CWF19L2: variants seen among roughly 807,000 people sequenced by gnomAD.
The protein encoded by CWF19L2 is CWF19-like protein 2.
CWF19L2 carries 98 observed loss-of-function variants against 111.7 expected under a neutral mutation model. That is an observed-to-expected ratio of 0.88 (90% CI 0.75 to 1.04). The LOEUF is 1.04. Among genes scored for constraint, CWF19L2 ranks in the 50% least tolerant of loss-of-function variants. The pLI, the probability that CWF19L2 is intolerant of heterozygous loss-of-function variation, is 0.00. For synonymous variants in CWF19L2, 351 were observed against 342.9 expected (o/e 1.02, Z -0.26); for missense variants, 1,101 against 1,051.4 (o/e 1.05, Z -0.65).
chr11:107,357,786 C>T (rs1860260386), intron 12 of CWF19L2, among the ~76,000 whole-genome samples: 1 of 152,142 alleles, frequency 6.6e-6, no homozygotes, highest in African/African-American at 2.4e-5. Context: ...TCTTCTATGA[C>T]CTCCAGCCTA....
intron 7 of CWF19L2, among the ~76,000 whole-genome samples, chr11:107,433,398 A>T (rs1338914509): frequency 2.0e-5 from 3 of 151,860 alleles, no homozygotes; most frequent in African/African-American, 7.3e-5. Flanking sequence ...CAATAAGAAA[A>T]TTTTTTTTAC....
At chr11:107,334,742 A>G (rs1462778417) in intron 16 of CWF19L2, 139 bp downstream of exon 16, 26 of 674,736 alleles carry the variant, frequency 3.9e-5, no homozygotes, top group Admixed American at 1.1e-4. Flanking sequence ...AGGTAGGATA[A>G]AAATAACTTC....
At position 107,442,882 on chromosome 11, in the gene CWF19L2, G is replaced by GAGGGAGGAAGGA. The variant is rs1555029242; in HGVS notation, c.450+56_450+57insTCCTTCCTCCCT. ...ATAGAGAGGGAAGGAGGGAGGGAGG[G>GAGGGAGGAAGGA]AGGAAGGAAGGAAGGAAGGAAGAAA... On this transcript the variant is annotated intron_variant, in intron 4 of 17. Transcript: ENST00000282251. The GAGGGAGGAAGGA allele has an allele frequency of 1.4e-4, 100 of 707,308 alleles. 2 individuals carry two copies. The highest frequency in any genetic ancestry group is 8.3e-4 in the African/African-American group (36 of 43,266). 43.8% of individuals were successfully genotyped at this position (707,308 alleles called of 1,614,324 possible). A position where few individuals can be genotyped will look rare whatever the true frequency, so the allele number is the denominator to read the frequency against.
intron 10 of CWF19L2, among the ~76,000 whole-genome samples, chr11:107,398,194 C>T (rs1860950703): frequency 6.6e-6 from 1 of 151,640 alleles, no homozygotes; most frequent in South Asian, 2.1e-4. Context: ...TGATTTCTAA[C>T]CTGAAAAAGA....
At chr11:107,455,611 A>G (rs1861842190) in intron 2 of CWF19L2, 55 bp downstream of exon 2, 10 of 989,282 alleles carry the variant, frequency 1.0e-5, no homozygotes, top group Middle Eastern at 4.2e-4. Context: ...ATTAACTTGA[A>G]TACGTGCAAA....
chr11:107,369,852 A>T (rs1860483303), intron 12 of CWF19L2, among the ~76,000 whole-genome samples: 1 of 138,558 alleles, frequency 7.2e-6, no homozygotes, highest in Non-Finnish European at 1.6e-5. Flanking sequence ...ATGTATTTAC[A>T]CTACATGAAA....
chr11:107,417,793 G>A (rs998586907), intron 9 of CWF19L2, among the ~76,000 whole-genome samples: 3 of 149,278 alleles, frequency 2.0e-5, no homozygotes, highest in East Asian at 2.0e-4. Flanking sequence ...GTCTCGCTTC[G>A]TCACCCAGGC....
chr11:107,352,879 A>C (rs1288759768), intron 13 of CWF19L2, among the ~76,000 whole-genome samples: 1 of 152,044 alleles, frequency 6.6e-6, no homozygotes, highest in Non-Finnish European at 1.5e-5. Context: ...CATTCATTCA[A>C]CTTCTTCTAC....
intron 1 of CWF19L2, 73 bp downstream of exon 1, chr11:107,457,639 G>A (rs1243772820): frequency 1.9e-6 from 2 of 1,077,384 alleles, no homozygotes; most frequent in East Asian, 5.2e-5. Context: ...GGGAAGGGGT[G>A]AGTGGGCTAG....
rs1361252997 is a variant in CWF19L2, at chr11:107,368,745, G to C, written c.1873-15009C>G. Among the ~76,000 whole-genome samples, 8 of 137,782 alleles carry C rather than the reference G, an allele frequency of 5.8e-5. 1 individual carries two copies. Among genetic ancestry groups the C allele is most frequent in the Non-Finnish European group, 1.2e-4 (8 of 64,158 alleles). 90.4% of individuals were successfully genotyped at this position (137,782 alleles called of 152,430 possible). ...AAAACATTTCTTTTATAGTCATTTT[G>C]AAAGGAAATATTCCCGAACAGTGTT... On this transcript the variant is annotated intron_variant, in intron 12 of 17. Transcript: ENST00000282251.
intron 14 of CWF19L2, among the ~76,000 whole-genome samples, chr11:107,340,423 T>G (rs984055580): frequency 3.3e-5 from 5 of 152,212 alleles, no homozygotes; most frequent in African/African-American, 1.2e-4. Flanking sequence ...GAAAAGGCTA[T>G]CCCTTTTACA....
chr11:107,327,636 T>A (rs1859780519), intron 17 of CWF19L2, among the ~76,000 whole-genome samples: 1 of 152,186 alleles, frequency 6.6e-6, no homozygotes, highest in African/African-American at 2.4e-5. Context: ...CCATAATAAA[T>A]GGCTTTTTGG....
At chr11:107,388,462 A>C (rs1860802775) in intron 12 of CWF19L2, among the ~76,000 whole-genome samples, 1 of 151,908 alleles carries the variant, frequency 6.6e-6, no homozygotes, top group African/African-American at 2.4e-5. Flanking sequence ...AGGTCACCAC[A>C]AGCTCCACCT....
At chr11:107,368,977 T>C (rs1483472329) in intron 12 of CWF19L2, among the ~76,000 whole-genome samples, 1 of 137,272 alleles carries the variant, frequency 7.3e-6, no homozygotes, top group Admixed American at 7.1e-5. Flanking sequence ...GATGATCAAC[T>C]ATATGCTCAC....
Position 107,331,220 on chromosome 11 carries a change from A to C in CWF19L2, c.2440-1201T>G, listed in dbSNP as rs188316458. ...AGGAGATAGACAAGGCTCCAATTGCAACTCTGATTCTTATAAGTGTGTTAC... is the reference window on the plus strand; with the variant it reads ...AGGAGATAGACAAGGCTCCAATTGCCACTCTGATTCTTATAAGTGTGTTAC... On this transcript the variant is annotated intron_variant, in intron 16 of 17. Transcript: ENST00000282251. Among the ~76,000 whole-genome samples the C allele has an allele frequency of 3.7e-4, 57 of 152,314 alleles. 1 individual carries two copies. The East Asian group carries it at 0.011, about 28-fold the overall frequency.
intron 12 of CWF19L2, among the ~76,000 whole-genome samples, chr11:107,372,851 T>C (rs1334538818): frequency 7.7e-6 from 1 of 129,944 alleles, no homozygotes; most frequent in African/African-American, 3.2e-5. Flanking sequence ...TGCATTTCCA[T>C]CTGAGGTACC....
chr11:107,417,808 G>C (rs1861248746), intron 9 of CWF19L2, among the ~76,000 whole-genome samples: 2 of 151,368 alleles, frequency 1.3e-5, no homozygotes, highest in Admixed American at 1.3e-4. Flanking sequence ...CCAGGCTGGA[G>C]TGCTGCAATG....
At chr11:107,342,008 A>C (rs1860012088) in intron 14 of CWF19L2, among the ~76,000 whole-genome samples, 1 of 151,584 alleles carries the variant, frequency 6.6e-6, no homozygotes, top group African/African-American at 2.4e-5. Flanking sequence ...AAAAACCCCA[A>C]CTTTTGTTTC....
At chr11:107,450,143 T>C (rs1861758352) in intron 3 of CWF19L2, among the ~76,000 whole-genome samples, 2 of 150,908 alleles carry the variant, frequency 1.3e-5, no homozygotes, top group African/African-American at 2.4e-5. Flanking sequence ...GTGGCTCACA[T>C]TTGTAATTCC....
Sources: gnomAD v4.1 joint callset for allele counts (sites outside exome capture counted in the v4.1 genomes callset) on GRCh38, gnomAD v4.1.1 for gene constraint, MANE v1.5 for transcripts, NCBI Gene and HGNC (gene_info 2026-07-23, HGNC 2026-07-21) for gene names.